The following PLA2R1 variants were observed in gnomAD, a reference collection of about 807,000 sequenced individuals.
PLA2R1 encodes phospholipase A2 receptor 1.
In PLA2R1, 158 loss-of-function variants were observed where a neutral mutation model predicts 195.9. The observed-to-expected ratio is 0.81, with a 90% CI of 0.71 to 0.92. The LOEUF (loss-of-function observed/expected upper bound fraction) is 0.92, where lower values mean the gene tolerates loss of function less well. Ranked by LOEUF, PLA2R1 falls within the 40% of genes least tolerant of loss-of-function variation. PLA2R1 has a pLI of 0.00. For synonymous variants in PLA2R1, 586 were observed against 598.2 expected (o/e 0.98, Z 0.30); for missense variants, 1,626 against 1,764.6 (o/e 0.92, Z 1.41).
chr2:159,991,211 T>G (rs1346136992), intron 11 of PLA2R1, among the ~76,000 whole-genome samples: 1 of 152,228 alleles, frequency 6.6e-6, no homozygotes, highest in African/African-American at 2.4e-5. Flanking sequence ...CTCCTGTGTG[T>G]GGCCACAGCA....
chr2:159,983,678 A>C (rs1363203769), intron 13 of PLA2R1, among the ~76,000 whole-genome samples: 1 of 152,166 alleles, frequency 6.6e-6, no homozygotes, highest in Non-Finnish European at 1.5e-5. Context: ...GGAAAGCTCT[A>C]CAGTTCTGAC....
At chr2:160,062,212 C>T (rs1696008920) in intron 1 of PLA2R1, 83 bp downstream of exon 1, 2 of 1,127,962 alleles carry the variant, frequency 1.8e-6, no homozygotes, top group Admixed American at 6.3e-5. Context: ...TGGCCCCTAG[C>T]TTCGCCCCTT....
Position 160,028,940 on chromosome 2 carries a change from C to T in PLA2R1, c.865G>A (p.Glu289Lys), listed in dbSNP as rs573109509. ...AGCTGATTGAGGCCCATCCACACCT[C>T]CACTGTTTTACTGCTCATGTGCTCT... The part of the protein sequence containing the change: ...IREHMSSKTV[E>K]VWMGLNQLDE... Residue 289 changes from glutamate (E) to lysine (K), a missense_variant, in exon 5 of 30, where the codon GAG (glutamate) becomes AAG (lysine). Coordinates refer to ENST00000283243, the MANE Select transcript of PLA2R1 (RefSeq NM_007366.5). 1.3e-4 allele frequency: 212 copies of T among 1,598,000 alleles called. 3 individuals are homozygous for T. The South Asian group carries it at 2.2e-3, about 17-fold the overall frequency.
intron 11 of PLA2R1, among the ~76,000 whole-genome samples, chr2:159,995,064 A>T (rs1442698091): frequency 6.6e-6 from 1 of 152,102 alleles, no homozygotes; most frequent in Non-Finnish European, 1.5e-5. Context: ...TTGCTGGATT[A>T]AGATTCTGAT....
chr2:159,926,003 G>C, the PLA2R1 span, among the ~76,000 whole-genome samples: 1 of 152,112 alleles, frequency 6.6e-6, no homozygotes, highest in Admixed American at 6.5e-5. Flanking sequence ...GAGAGGTTCT[G>C]GAAGCTTTAC....
chr2:159,926,781 C>T, the PLA2R1 span, among the ~76,000 whole-genome samples: 6 of 152,116 alleles, frequency 3.9e-5, no homozygotes, highest in Non-Finnish European at 8.8e-5. Context: ...TCCCCCCACC[C>T]AGCTCCATGG....
rs553687578 is a variant in PLA2R1, at chr2:160,033,222, T to C, written c.668-90A>G. The stretch of plus-strand genomic sequence containing the variant: ...GGTAAGTCTGAATGGAATTATTCCA[T>C]CTTGCAATCTCTAAAACTTCAGGGC... On this transcript the variant is annotated intron_variant, in intron 3 of 29. Coordinates refer to ENST00000283243, the MANE Select transcript of PLA2R1 (RefSeq NM_007366.5). 192 of 971,768 alleles carry C rather than the reference T, an allele frequency of 2.0e-4. 1 individual carries two copies. Among genetic ancestry groups the C allele is most frequent in the Admixed American group, 3.4e-4 (12 of 35,558 alleles). 60.2% of individuals were successfully genotyped at this position (971,768 alleles called of 1,614,324 possible). A position where few individuals can be genotyped will look rare whatever the true frequency, so the allele number is the denominator to read the frequency against.
chr2:159,967,740 C>G, intron 19 of PLA2R1, 62 bp from the exon 20 acceptor site: 2 of 1,356,174 alleles, frequency 1.5e-6, no homozygotes, highest in Non-Finnish European at 2.0e-6. Context: ...AAGGCATTCT[C>G]TATTGATCAC....
chr2:159,998,206 T>C (rs1691356382), intron 11 of PLA2R1, among the ~76,000 whole-genome samples: 1 of 152,188 alleles, frequency 6.6e-6, no homozygotes, highest in Non-Finnish European at 1.5e-5. Context: ...AATGTCACTA[T>C]CTGTAGCTTT....
At chr2:160,035,463 C>A (rs1478552698) in intron 3 of PLA2R1, among the ~76,000 whole-genome samples, 1 of 152,170 alleles carries the variant, frequency 6.6e-6, no homozygotes, top group Admixed American at 6.5e-5. Context: ...AGGGTCACCC[C>A]AGCTTGAGAA....
At chr2:160,036,280 A>G (rs1420767906) in intron 3 of PLA2R1, among the ~76,000 whole-genome samples, 2 of 152,244 alleles carry the variant, frequency 1.3e-5, no homozygotes, top group Non-Finnish European at 2.9e-5. Flanking sequence ...CCAAATGTAT[A>G]TCTCCATAAA....
intron 6 of PLA2R1, among the ~76,000 whole-genome samples, chr2:160,026,945 C>T (rs1029066267): frequency 6.6e-6 from 1 of 152,138 alleles, no homozygotes. Flanking sequence ...ACCAGCCTGG[C>T]CAACATGGTG....
At chr2:160,000,242 T>C (rs1691503117) in intron 11 of PLA2R1, among the ~76,000 whole-genome samples, 1 of 152,198 alleles carries the variant, frequency 6.6e-6, no homozygotes, top group Admixed American at 6.5e-5. Flanking sequence ...TGAGAATATA[T>C]TCACTCAGCT....
chr2:159,970,232 C>T lies in PLA2R1; in HGVS notation c.2596-20G>A, dbSNP rs1007343720. On this transcript the variant is annotated intron_variant, in intron 17 of 29. Transcript: ENST00000283243. ...TGATAGCTATTGAAAGAAAAAAAGT[C>T]AGCATTTATTCTACTTGTTTTCCTT... 5 of 1,577,146 alleles carry T rather than the reference C, an allele frequency of 3.2e-6. No homozygotes were observed. In the South Asian group the frequency reaches 5.6e-5, roughly 18 times the overall value.
intron 1 of PLA2R1, among the ~76,000 whole-genome samples, chr2:160,061,126 T>G (rs575361298): frequency 2.6e-5 from 4 of 152,326 alleles, no homozygotes; most frequent in Non-Finnish European, 5.9e-5. Flanking sequence ...GATCACATCT[T>G]GTGTTACCCC....
At chr2:160,048,865 G>T in intron 1 of PLA2R1, among the ~76,000 whole-genome samples, 1 of 132,536 alleles carries the variant, frequency 7.5e-6, no homozygotes, top group Admixed American at 8.2e-5. Flanking sequence ...TTTTGAGACA[G>T]AGTCTCGCTC....
In PLA2R1 at chr2:159,933,439, C is replaced by T. The variant is rs1221208422; in HGVS notation, c.*8339G>A. The T allele has an allele frequency of 6.6e-6, 1 of 150,624 alleles. No homozygotes were observed. 9.3% of individuals were successfully genotyped at this position (150,624 alleles called of 1,614,324 possible). Reference sequence around the variant, plus strand: ...ATACTAAAGAAAGCTGTTTATCTAACATTTCCTACAATTTAATACATATCA... The same window carrying T: ...ATACTAAAGAAAGCTGTTTATCTAATATTTCCTACAATTTAATACATATCA... On this transcript the variant is annotated 3_prime_UTR_variant, in exon 30 of 30. Coordinates refer to ENST00000283243, the MANE Select transcript of PLA2R1 (RefSeq NM_007366.5).
At chr2:159,924,037 C>CTCTT in the PLA2R1 span, among the ~76,000 whole-genome samples, 4 of 151,886 alleles carry the variant, frequency 2.6e-5, no homozygotes, top group Admixed American at 2.6e-4. Flanking sequence ...GCTGCGCTCT[C>CTCTT]TCTGGAGGTT....
the PLA2R1 span, among the ~76,000 whole-genome samples, chr2:159,926,456 A>G: frequency 6.6e-6 from 1 of 152,188 alleles, no homozygotes; most frequent in Non-Finnish European, 1.5e-5. Flanking sequence ...TTACTTGGGA[A>G]TGATTTACTA....
Sources: gnomAD v4.1 joint callset for allele counts (sites outside exome capture counted in the v4.1 genomes callset) on GRCh38, gnomAD v4.1.1 for gene constraint, MANE v1.5 for transcripts, NCBI Gene and HGNC (gene_info 2026-07-23, HGNC 2026-07-21) for gene names.